DSCAM: variants seen among roughly 807,000 people sequenced by gnomAD.
The protein encoded by DSCAM is cell adhesion molecule DSCAM.
A neutral mutation model predicts 217.7 loss-of-function variants in DSCAM; 47 were observed. The ratio of observed to expected loss-of-function variants is 0.22; its 90% CI spans 0.17 to 0.28. The LOEUF is 0.28. Among genes scored for constraint, DSCAM ranks in the 10% least tolerant of loss-of-function variants. The pLI is 1.00. For synonymous variants in DSCAM, 1,056 were observed against 1,015.3 expected, an observed-to-expected ratio of 1.04 and a Z score of -0.76; for missense variants, 2,080 against 2,618.3, an observed-to-expected ratio of 0.79 and a Z score of 4.49.
intron 3 of DSCAM, among the ~76,000 whole-genome samples, chr21:40,472,091 G>T (rs1430430562): frequency 1.3e-5 from 2 of 152,184 alleles, no homozygotes; most frequent in Non-Finnish European, 2.9e-5. Context: ...GCACAGAAAG[G>T]AGCAGAGATT....
At chr21:40,549,283 C>T (rs1446891856) in intron 3 of DSCAM, among the ~76,000 whole-genome samples, 2 of 152,116 alleles carry the variant, frequency 1.3e-5, no homozygotes. Flanking sequence ...GTAACATAAA[C>T]AAGCTTGGCA....
chr21:40,624,358 A>G (rs563626389), intron 3 of DSCAM, among the ~76,000 whole-genome samples: 1 of 152,216 alleles, frequency 6.6e-6, no homozygotes, highest in Non-Finnish European at 1.5e-5. Flanking sequence ...CTTTTTTTTA[A>G]GAACTGCCTC....
intron 1 of DSCAM, among the ~76,000 whole-genome samples, chr21:40,732,125 C>A (rs902677279): frequency 6.6e-6 from 1 of 152,096 alleles, no homozygotes; most frequent in Non-Finnish European, 1.5e-5. Context: ...CCATTCAACC[C>A]CTAACAGAGG....
Position 40,709,741 on chromosome 21 carries a change from G to C in DSCAM, c.44-970C>G, listed in dbSNP as rs549632228. Among the ~76,000 whole-genome samples the C allele has an allele frequency of 5.9e-5, 9 of 152,264 alleles. No individual in the cohort carries two copies. The East Asian group carries it at 1.2e-3, about 20-fold the overall frequency. On this transcript the variant is annotated intron_variant, in intron 1 of 32. Transcript: ENST00000400454. ...CATTTTCTTTATCCAGTCTATCATT[G>C]ATGGGCATTTGGGTTGGTTCCAAGT... is the stretch of plus-strand genomic sequence containing the variant.
At chr21:40,678,127 T>C (rs2090361158) in intron 3 of DSCAM, among the ~76,000 whole-genome samples, 1 of 152,160 alleles carries the variant, frequency 6.6e-6, no homozygotes. Context: ...GGAAGTACAG[T>C]TTTCAATGAA....
At chr21:40,277,146 T>C (rs2123384188) in intron 10 of DSCAM, among the ~76,000 whole-genome samples, 1 of 152,134 alleles carries the variant, frequency 6.6e-6, no homozygotes, top group African/African-American at 2.4e-5. Flanking sequence ...GCATTTTTCT[T>C]CTCTGGCCTG....
chr21:40,829,791 T>G (rs1328201695), intron 1 of DSCAM, among the ~76,000 whole-genome samples: 7 of 152,168 alleles, frequency 4.6e-5, no homozygotes, highest in Non-Finnish European at 1.0e-4. Context: ...GATGACCAGG[T>G]GCTTAGTTGC....
At chr21:40,206,767 T>C (rs2091131524) in intron 11 of DSCAM, among the ~76,000 whole-genome samples, 1 of 150,290 alleles carries the variant, frequency 6.7e-6, no homozygotes, top group Non-Finnish European at 1.5e-5. Flanking sequence ...AATAAATAAC[T>C]GAGCATGGTA....
chr21:40,470,694 C>T (rs868431321), intron 3 of DSCAM, among the ~76,000 whole-genome samples: 9 of 152,262 alleles, frequency 5.9e-5, no homozygotes, highest in Admixed American at 1.3e-4. Context: ...GCTGGAACTA[C>T]AGGTTTGCAC....
At chr21:40,261,143 C>A (rs368721412) in intron 11 of DSCAM, among the ~76,000 whole-genome samples, 1 of 152,226 alleles carries the variant, frequency 6.6e-6, no homozygotes, top group East Asian at 1.9e-4. Context: ...TTACCCATAA[C>A]AGCATTAGCC....
chr21:40,031,811 A>G (rs1460442323), intron 32 of DSCAM, among the ~76,000 whole-genome samples: 1 of 152,142 alleles, frequency 6.6e-6, no homozygotes, highest in African/African-American at 2.4e-5. Context: ...CCCAAACCAG[A>G]AATGGGAGAC....
intron 11 of DSCAM, among the ~76,000 whole-genome samples, chr21:40,245,260 G>A (rs2073208573): frequency 6.6e-6 from 1 of 152,194 alleles, no homozygotes; most frequent in Admixed American, 6.5e-5. Flanking sequence ...GTCTGGAGAG[G>A]CAGCCAGCAG....
At chr21:40,075,242 C>A in intron 26 of DSCAM, 29 bp from the exon 27 acceptor site, 1 of 1,612,134 alleles carries the variant, frequency 6.2e-7, no homozygotes. Context: ...TGTTAGATGG[C>A]TATTAATGAA....
At chr21:40,278,855 T>C (rs1033397758) in intron 10 of DSCAM, among the ~76,000 whole-genome samples, 2 of 152,158 alleles carry the variant, frequency 1.3e-5, no homozygotes, top group African/African-American at 4.8e-5. Flanking sequence ...GGAAATAAGA[T>C]AGTCTAAAAA....
intron 16 of DSCAM, among the ~76,000 whole-genome samples, chr21:40,163,371 GAATTA>G (rs537033746): frequency 5.2e-4 from 79 of 152,280 alleles, no homozygotes; most frequent in Non-Finnish European, 9.7e-4. Flanking sequence ...AACCTGCCAT[GAATTA>G]AATTGTATTT....
intron 3 of DSCAM, among the ~76,000 whole-genome samples, chr21:40,424,630 G>A (rs1386346836): frequency 1.3e-5 from 2 of 152,140 alleles, no homozygotes; most frequent in African/African-American, 4.8e-5. Context: ...GAATCCCCAG[G>A]AAGCTCACAC....
intron 32 of DSCAM, among the ~76,000 whole-genome samples, chr21:40,019,681 A>AT (rs964864762): frequency 1.2e-4 from 19 of 152,116 alleles, no homozygotes; most frequent in African/African-American, 4.3e-4. Context: ...GGGTCACCAT[A>AT]TTGGGTCACC....
At chr21:40,751,142 G>A (rs1050226944) in intron 1 of DSCAM, among the ~76,000 whole-genome samples, 5 of 152,046 alleles carry the variant, frequency 3.3e-5, no homozygotes, top group Non-Finnish European at 5.9e-5. Context: ...TGCCTGAAAA[G>A]CCCTCTTCCA....
chr21:40,563,818 A>G (rs1178397999), intron 3 of DSCAM, among the ~76,000 whole-genome samples: 2 of 147,176 alleles, frequency 1.4e-5, no homozygotes, highest in African/African-American at 2.5e-5. Context: ...GTGTATATAT[A>G]GTTATATGTT....
Sources: allele counts gnomAD v4.1 joint callset (sites outside exome capture counted in the v4.1 genomes callset), GRCh38; gene constraint gnomAD v4.1.1; transcripts MANE v1.5; gene names NCBI Gene and HGNC (gene_info 2026-07-23, HGNC 2026-07-21).